The following UBAP2 variants were observed in gnomAD, a reference collection of about 807,000 sequenced individuals.
UBAP2 encodes the protein ubiquitin associated protein 2, also known as ubiquitin-associated protein 2.
UBAP2 carries 75 observed loss-of-function variants against 139.6 expected under a neutral mutation model. The observed-to-expected ratio is 0.54, with a 90% CI of 0.45 to 0.65. The LOEUF (loss-of-function observed/expected upper bound fraction) is 0.65. Among genes scored for constraint, UBAP2 ranks in the 30% least tolerant of loss-of-function variants. The pLI is 0.00. For synonymous variants in UBAP2, 526 were observed against 526.2 expected, an observed-to-expected ratio of 1.00 and a Z score of 0.01; for missense variants, 1,368 against 1,369.6, an observed-to-expected ratio of 1.00 and a Z score of 0.02.
chr9:33,947,256 C>T (rs1000101712), intron 13 of UBAP2, among the ~76,000 whole-genome samples: 7 of 152,160 alleles, frequency 4.6e-5, no homozygotes, highest in African/African-American at 1.7e-4. Context: ...AATATGCTTC[C>T]CTGTCTCTCT....
intron 16 of UBAP2, among the ~76,000 whole-genome samples, chr9:33,939,292 G>A (rs897860165): frequency 7.0e-5 from 10 of 142,320 alleles, no homozygotes; most frequent in Admixed American, 6.8e-4. Context: ...CGCCTCCCAG[G>A]TTCAAGCGAT....
chr9:34,019,843 G>A lies in UBAP2; in HGVS notation c.-41-2654C>T, dbSNP rs961226355. Among the ~76,000 whole-genome samples, 7 of 151,524 alleles carry A rather than the reference G, an allele frequency of 4.6e-5. No individual in the cohort carries two copies. In the South Asian group the frequency reaches 6.3e-4, roughly 14 times the overall value. On this transcript the variant is annotated intron_variant, in intron 1 of 28. Transcript: ENST00000379238. ...TTTATGCAAACAATTCCACTCTTAC[G>A]AAGCTCCTAGAACAAACAAAACAAA... is the stretch of plus-strand genomic sequence containing the variant.
At chr9:33,969,595 G>A (rs1827744528) in intron 8 of UBAP2, among the ~76,000 whole-genome samples, 1 of 151,392 alleles carries the variant, frequency 6.6e-6, no homozygotes, top group South Asian at 2.1e-4. Flanking sequence ...GGTGGGGCAC[G>A]GTGGCTTACG....
chr9:33,973,254 A>G lies in UBAP2; in HGVS notation c.521-17T>C, dbSNP rs756388283. ...GTCCAAATCCTTTAAAAAAACACAC[A>G]ATTATAGTATAAAATAATACTTATG... On this transcript the variant is annotated splice_polypyrimidine_tract_variant and intron_variant, in intron 6 of 28. Transcript: ENST00000379238. 5 of 1,612,806 alleles carry G rather than the reference A, an allele frequency of 3.1e-6. No individual in the cohort carries two copies. The South Asian group carries it at 4.4e-5, about 14-fold the overall frequency.
intron 6 of UBAP2, among the ~76,000 whole-genome samples, chr9:33,985,807 A>G (rs536177710): frequency 1.3e-5 from 2 of 152,222 alleles, no homozygotes; most frequent in South Asian, 2.1e-4. Context: ...GGATCACTTG[A>G]GGCCAGGAGT....
chr9:33,999,934 C>T (rs964069093), intron 2 of UBAP2, among the ~76,000 whole-genome samples: 1 of 149,274 alleles, frequency 6.7e-6, no homozygotes, highest in Non-Finnish European at 1.5e-5. Context: ...CACACTCTGT[C>T]GCCCAGGCTG....
intron 16 of UBAP2, among the ~76,000 whole-genome samples, chr9:33,940,039 AGAGAGG>A (rs1179345793): frequency 2.7e-5 from 4 of 147,516 alleles, no homozygotes; most frequent in Admixed American, 6.7e-5. Context: ...GGGAGAGGGA[AGAGAGG>A]GAGAGGGAGA....
chr9:33,948,442 T>C lies in UBAP2; in HGVS notation c.1202A>G (p.His401Arg), dbSNP rs757838877. 6.2e-7 allele frequency: 1 copy of C among 1,613,868 alleles called. No homozygotes were observed. The highest frequency in any genetic ancestry group is 1.3e-5 in the African/African-American group (1 of 74,876). The change falls in exon 13 of 29, where the codon CAC becomes CGC. Residue 401 changes from histidine (H) to arginine (R), a missense_variant. Transcript: ENST00000379238. ...GTCCCAAGAAGTAGTAGTTGTAGGG[T>C]GACTTGTACTATTCTGCTGTGTACT... The part of the protein sequence containing the change: ...TPSTQQNSTS[H>R]PTTTTSWDLK...
intron 19 of UBAP2, among the ~76,000 whole-genome samples, chr9:33,929,981 G>C (rs1010157370): frequency 1.3e-5 from 2 of 151,982 alleles, no homozygotes; most frequent in African/African-American, 4.8e-5. Flanking sequence ...TCCAGCCTAG[G>C]CCACAAGAGT....
At chr9:33,956,229 C>T in intron 10 of UBAP2, 83 bp from the exon 11 acceptor site, 2 of 950,412 alleles carry the variant, frequency 2.1e-6, no homozygotes, top group Non-Finnish European at 1.7e-6. Flanking sequence ...TTGTAGTCAT[C>T]AGTAGTCTCT....
chr9:33,952,523 A>G (rs892690277), intron 12 of UBAP2, among the ~76,000 whole-genome samples: 10 of 152,018 alleles, frequency 6.6e-5, no homozygotes, highest in African/African-American at 1.9e-4. Context: ...TCTTAGGGGG[A>G]AAAAAAAGCA....
chr9:34,018,363 G>A (rs867690932), intron 1 of UBAP2, among the ~76,000 whole-genome samples: 5 of 150,616 alleles, frequency 3.3e-5, no homozygotes, highest in African/African-American at 7.3e-5. Context: ...AGAAAGCATC[G>A]GTGAGGATGT....
At chr9:34,017,755 T>C (rs1452886064) in intron 1 of UBAP2, among the ~76,000 whole-genome samples, 1 of 151,866 alleles carries the variant, frequency 6.6e-6, no homozygotes, top group Non-Finnish European at 1.5e-5. Flanking sequence ...TGAAACCCCG[T>C]CTCTACTAAA....
At chr9:33,923,565 G>A in intron 24 of UBAP2, 87 bp from the exon 25 acceptor site, 3 of 1,332,560 alleles carry the variant, frequency 2.3e-6, no homozygotes, top group East Asian at 2.3e-5. Context: ...AAGGCAGCAG[G>A]TGACATACCC....
At chr9:33,950,008 T>G (rs921527269) in intron 12 of UBAP2, among the ~76,000 whole-genome samples, 7 of 152,108 alleles carry the variant, frequency 4.6e-5, no homozygotes, top group Non-Finnish European at 8.8e-5. Flanking sequence ...TCAACTACAT[T>G]TTTACATATC....
Position 33,989,032 on chromosome 9 carries a change from G to A in UBAP2, c.383C>T (p.Ser128Leu), listed in dbSNP as rs757955629. ...GTTGTTGTTTCCACGTCCACGACTC[G>A]ATTCTTTCTCGCTTTTCTTCTCTCT... ...ENREKKSEKESSRGRGNNNRK... is the reference protein window; with the variant it reads ...ENREKKSEKELSRGRGNNNRK... Residue 128 changes from serine to leucine, a missense_variant, in exon 5 of 29, where the codon TCG (serine) becomes TTG (leucine). Physicochemically the swap from Ser to Leu is moderately radical, Grantham distance 145 (BLOSUM62 -2). Coordinates refer to ENST00000379238, the MANE Select transcript of UBAP2 (RefSeq NM_001370062.2). The A allele has an allele frequency of 6.8e-6, 11 of 1,613,662 alleles. No individual in the cohort carries two copies. The highest frequency in any genetic ancestry group is 1.1e-5 in the South Asian group (1 of 91,020).
In UBAP2 at chr9:34,007,609, AATG is replaced by A. The variant is rs1823337372; in HGVS notation, c.100-8748_100-8746del. Among the ~76,000 whole-genome samples the A allele has an allele frequency of 2.0e-5, 3 of 151,764 alleles. No homozygotes were observed. The South Asian group carries it at 6.2e-4, about 32-fold the overall frequency. ...ACATACATTTTTCAGCGTTTATTGA[AATG>A]ATCATATGTTTTTTGTCCTTGTATG... On this transcript the variant is annotated intron_variant, in intron 2 of 28. Transcript: ENST00000379238.
intron 8 of UBAP2, among the ~76,000 whole-genome samples, chr9:33,970,014 A>G (rs1017648817): frequency 8.0e-6 from 1 of 125,222 alleles, no homozygotes; most frequent in African/African-American, 3.1e-5. Flanking sequence ...ACTGCAACCT[A>G]TGCTTCCTAG....
chr9:34,011,414 T>C (rs933114980), intron 2 of UBAP2, among the ~76,000 whole-genome samples: 2 of 152,192 alleles, frequency 1.3e-5, no homozygotes, highest in Non-Finnish European at 1.5e-5. Flanking sequence ...TCTGAAAGCA[T>C]AGCCAATACA....
Sources: allele counts gnomAD v4.1 joint callset (sites outside exome capture counted in the v4.1 genomes callset), GRCh38; gene constraint gnomAD v4.1.1; transcripts MANE v1.5; gene names NCBI Gene and HGNC (gene_info 2026-07-23, HGNC 2026-07-21).